The following TRERF1 variants were observed in gnomAD, a reference collection of about 807,000 sequenced individuals.
TRERF1 encodes the protein transcriptional-regulating factor 1.
A neutral mutation model predicts 122.9 loss-of-function variants in TRERF1; 27 were observed. That is an observed-to-expected ratio of 0.22 (90% CI 0.16 to 0.30). TRERF1 has a LOEUF of 0.30. Ranked by LOEUF, TRERF1 falls within the 10% of genes least tolerant of loss-of-function variation. TRERF1 has a pLI of 1.00. For missense variants in TRERF1, 1,248 were observed against 1,560.3 expected, an observed-to-expected ratio of 0.80 and a Z score of 3.37; for synonymous variants, 636 against 641.7, an observed-to-expected ratio of 0.99 and a Z score of 0.13.
intron 2 of TRERF1, among the ~76,000 whole-genome samples, chr6:42,401,949 C>T (rs1779447397): frequency 6.6e-6 from 1 of 152,200 alleles, no homozygotes; most frequent in Non-Finnish European, 1.5e-5. Flanking sequence ...TGAAGCATTC[C>T]TCTCAGCAGC....
chr6:42,433,665 C>T lies in TRERF1; in HGVS notation c.-454+17512G>A, dbSNP rs186868366. Among the ~76,000 whole-genome samples the T allele has an allele frequency of 5.9e-5, 9 of 152,174 alleles. No homozygotes were observed. The East Asian group carries it at 7.7e-4, about 13-fold the overall frequency. On this transcript the variant is annotated intron_variant, in intron 2 of 17. Coordinates refer to ENST00000372922, the Ensembl canonical transcript of TRERF1. ...ATAGGACCAAACCAACAAAAATACACGATCAATAAAAACAAACCTCAGAAG... is the reference window on the plus strand; with the variant it reads ...ATAGGACCAAACCAACAAAAATACATGATCAATAAAAACAAACCTCAGAAG...
chr6:42,348,276 T>C (rs554152774), intron 3 of TRERF1, among the ~76,000 whole-genome samples: 2 of 152,214 alleles, frequency 1.3e-5, no homozygotes, highest in East Asian at 1.9e-4. Flanking sequence ...TTTTTTGAGA[T>C]GGAGTCTCAC....
At chr6:42,293,718 A>T (rs1414619458) in intron 4 of TRERF1, among the ~76,000 whole-genome samples, 3 of 151,736 alleles carry the variant, frequency 2.0e-5, no homozygotes, top group African/African-American at 7.3e-5. Context: ...GGTTCTTTTA[A>T]GCCCACTTCC....
At chr6:42,293,917 T>C (rs575969481) in intron 4 of TRERF1, among the ~76,000 whole-genome samples, 37 of 152,124 alleles carry the variant, frequency 2.4e-4, no homozygotes, top group Admixed American at 7.9e-4. Flanking sequence ...TCCAAGCCTC[T>C]GTTGGACGAA....
At chr6:42,258,285 G>C in intron 9 of TRERF1, 84 bp from the exon 10 acceptor site, 1 of 1,235,200 alleles carries the variant, frequency 8.1e-7, no homozygotes, top group Non-Finnish European at 1.2e-6. Flanking sequence ...TACCTAACCA[G>C]CCATAATAGA....
At chr6:42,303,876 C>T (rs1257014866) in intron 3 of TRERF1, among the ~76,000 whole-genome samples, 1 of 129,940 alleles carries the variant, frequency 7.7e-6, no homozygotes, top group African/African-American at 3.0e-5. Context: ...GCACTCCAGC[C>T]TGGGTGACAG....
intron 3 of TRERF1, among the ~76,000 whole-genome samples, chr6:42,304,310 C>T (rs148100695): frequency 1.2e-4 from 19 of 152,336 alleles, no homozygotes; most frequent in African/African-American, 4.6e-4. Flanking sequence ...CCTCACTAGC[C>T]GTATGGCCTT....
chr6:42,270,835 C>T (rs990344279), intron 4 of TRERF1, among the ~76,000 whole-genome samples: 3 of 142,030 alleles, frequency 2.1e-5, no homozygotes, highest in Non-Finnish European at 3.0e-5. Flanking sequence ...AGCAATGATG[C>T]GATCTTGGCT....
chr6:42,239,758 T>G (rs537840489), intron 15 of TRERF1, among the ~76,000 whole-genome samples: 2 of 152,082 alleles, frequency 1.3e-5, no homozygotes, highest in Non-Finnish European at 2.9e-5. Flanking sequence ...TGATCCCAAT[T>G]TTTCATCTCC....
At chr6:42,347,813 T>C (rs1174176219) in intron 3 of TRERF1, among the ~76,000 whole-genome samples, 1 of 152,118 alleles carries the variant, frequency 6.6e-6, no homozygotes, top group Non-Finnish European at 1.5e-5. Flanking sequence ...ACACAGAACT[T>C]CAGCACAAGG....
At chr6:42,308,251 G>A (rs138000427) in intron 3 of TRERF1, among the ~76,000 whole-genome samples, 2 of 152,294 alleles carry the variant, frequency 1.3e-5, no homozygotes, top group East Asian at 3.9e-4. Flanking sequence ...ATAAACAAAT[G>A]TGTTATATTC....
intron 3 of TRERF1, among the ~76,000 whole-genome samples, chr6:42,343,427 T>C (rs923138148): frequency 6.6e-6 from 1 of 152,322 alleles, no homozygotes; most frequent in South Asian, 2.1e-4. Flanking sequence ...CCACCATTTA[T>C]AAGATGGTTT....
chr6:42,426,108 G>C (rs1783605819), intron 2 of TRERF1, among the ~76,000 whole-genome samples: 1 of 152,106 alleles, frequency 6.6e-6, no homozygotes, highest in Non-Finnish European at 1.5e-5. Context: ...ATCTCTCCTA[G>C]GGTTCTCCCA....
intron 8 of TRERF1, among the ~76,000 whole-genome samples, chr6:42,260,642 GA>G (rs1240062036): frequency 9.2e-5 from 14 of 152,162 alleles, no homozygotes; most frequent in Non-Finnish European, 1.9e-4. Flanking sequence ...ATACCTGAGG[GA>G]AGGTTCTGGG....
intron 2 of TRERF1, among the ~76,000 whole-genome samples, chr6:42,366,022 T>C (rs571040898): frequency 9.2e-5 from 14 of 152,256 alleles, no homozygotes; most frequent in Admixed American, 8.5e-4. Context: ...ACCCCATCTG[T>C]AATCCCCTGC....
chr6:42,370,454 C>T (rs1273002136), intron 2 of TRERF1, among the ~76,000 whole-genome samples: 1 of 152,188 alleles, frequency 6.6e-6, no homozygotes, highest in African/African-American at 2.4e-5. Context: ...CATGGTGACA[C>T]ATGCCTATAG....
chr6:42,352,351 CAG>C (rs1476547794), intron 3 of TRERF1, among the ~76,000 whole-genome samples: 2 of 152,172 alleles, frequency 1.3e-5, no homozygotes, highest in African/African-American at 2.4e-5. Flanking sequence ...TATGCACACA[CAG>C]AAAAACTACT....
intron 2 of TRERF1, among the ~76,000 whole-genome samples, chr6:42,436,808 A>ATATAT (rs1263996791): frequency 4.3e-4 from 44 of 103,206 alleles, no homozygotes; most frequent in Non-Finnish European, 6.6e-4. Context: ...TACAAAAAAA[A>ATATAT]AAAAAAATAT....
chr6:42,279,222 G>A lies in TRERF1; in HGVS notation c.-258-9374C>T, dbSNP rs758881427. 1.8e-4 allele frequency among the ~76,000 whole-genome samples: 28 copies of A among 152,146 alleles called. 1 individual carries two copies. Among genetic ancestry groups the A allele is most frequent in the East Asian group, 1.9e-4 (1 of 5,174 alleles). ...GCAGACCCTTGCTGTGGGGGACTCC[G>A]GGAAGGTCTCTGCAGGGCACCTGGC... On this transcript the variant is annotated intron_variant, in intron 4 of 17. Transcript: ENST00000372922.
Sources: allele counts gnomAD v4.1 joint callset (sites outside exome capture counted in the v4.1 genomes callset), GRCh38; gene constraint gnomAD v4.1.1; transcripts MANE v1.5; gene names NCBI Gene and HGNC (gene_info 2026-07-23, HGNC 2026-07-21).